Variants in ADD1 observed in about 807,000 individuals in gnomAD.
ADD1 encodes the protein alpha-adducin.
Under a neutral mutation model 80.5 loss-of-function variants are expected in ADD1, and 24 were observed. The ratio of observed to expected loss-of-function variants is 0.30; its 90% confidence interval spans 0.22 to 0.42. The LOEUF (loss-of-function observed/expected upper bound fraction) is 0.42, where lower values mean the gene tolerates loss of function less well. Among genes scored for constraint, ADD1 ranks in the 10% least tolerant of loss-of-function variants. ADD1 has a pLI of 1.00. For missense variants in ADD1, 948 were observed against 1,019.0 expected (o/e 0.93, Z 0.95); for synonymous variants, 373 against 393.8 (o/e 0.95, Z 0.63).
Position 2,926,219 on chromosome 4 carries a change from C to G in ADD1, c.2047+107C>G. On this transcript the variant is annotated intron_variant, in intron 15 of 15. Coordinates refer to ENST00000683351, the MANE Select transcript of ADD1 (RefSeq NM_001354761.2). This position sits in a 1 kb window ranked among gnomAD's most constrained non-coding sequence, Gnocchi z 5.0. The stretch of plus-strand genomic sequence containing the variant: ...GTTAACAGCAACACGGAAGTGTGTG[C>G]TTGCATCAGCGCCAGGACGTGACAC... 2.0e-6 allele frequency: 2 copies of G among 984,722 alleles called. No individual in the cohort carries two copies. The highest frequency in any genetic ancestry group is 3.2e-6 in the Non-Finnish European group (2 of 622,216). The allele number at this position is 984,722 out of a possible 1,614,324, so 61.0% of individuals were successfully genotyped here.
At chr4:2,923,605 A>T (rs184442379) in intron 14 of ADD1, among the ~76,000 whole-genome samples, 60 of 152,320 alleles carry the variant, frequency 3.9e-4, no homozygotes, top group African/African-American at 1.4e-3. Context: ...TGTCACCCTG[A>T]CATTTGTCTC....
At chr4:2,844,315 C>G (rs1322505293) in intron 1 of ADD1, 2 of 152,066 alleles carry the variant, frequency 1.3e-5, no homozygotes, top group African/African-American at 2.4e-5. Context: ...GGCTTGTGGG[C>G]TGCAGGGGTG....
At chr4:2,852,274 CTTCCTTCTT>C (rs773362074) in intron 1 of ADD1, among the ~76,000 whole-genome samples, 8 of 111,350 alleles carry the variant, frequency 7.2e-5, no homozygotes, top group African/African-American at 2.0e-4. Flanking sequence ...TCCTTCCTTC[CTTCCTTCTT>C]TTCTTTTCTT....
intron 1 of ADD1, among the ~76,000 whole-genome samples, chr4:2,866,047 T>A (rs539372848): frequency 6.6e-6 from 1 of 152,376 alleles, no homozygotes; most frequent in South Asian, 2.1e-4. Context: ...TATAAAATTA[T>A]TTCTAGATTC....
intron 1 of ADD1, among the ~76,000 whole-genome samples, chr4:2,855,996 A>T: frequency 6.9e-6 from 1 of 144,422 alleles, no homozygotes; most frequent in Non-Finnish European, 1.5e-5. Context: ...ACCATTGGGC[A>T]TGGTGGTGCA....
At chr4:2,877,157 G>A (rs1039772016) in intron 2 of ADD1, among the ~76,000 whole-genome samples, 4 of 152,108 alleles carry the variant, frequency 2.6e-5, no homozygotes, top group Admixed American at 6.6e-5. Flanking sequence ...TAATCAGGTC[G>A]TTGTATCTGC....
At chr4:2,888,226 A>G (rs1306020413) in intron 4 of ADD1, among the ~76,000 whole-genome samples, 1 of 151,400 alleles carries the variant, frequency 6.6e-6, no homozygotes, top group African/African-American at 2.4e-5. Flanking sequence ...GCAGGTGTGC[A>G]CCACCATGCC....
chr4:2,877,605 T>C (rs1731560900), intron 2 of ADD1, among the ~76,000 whole-genome samples: 1 of 151,804 alleles, frequency 6.6e-6, no homozygotes, highest in African/African-American at 2.4e-5. Flanking sequence ...GTGACTGTGG[T>C]CAGAAAGGCT....
At chr4:2,889,937 G>A (rs1226633693) in intron 4 of ADD1, among the ~76,000 whole-genome samples, 4 of 152,300 alleles carry the variant, frequency 2.6e-5, no homozygotes, top group South Asian at 2.1e-4. Flanking sequence ...AGTGGCTCAC[G>A]CCTGTAATCT....
At chr4:2,872,919 T>C (rs1033018917) in intron 1 of ADD1, among the ~76,000 whole-genome samples, 12 of 152,142 alleles carry the variant, frequency 7.9e-5, no homozygotes, top group South Asian at 2.1e-4. Context: ...TAAGATACTA[T>C]GAAAAATGTT....
At chr4:2,879,380 AG>A (rs1178999175) in intron 2 of ADD1, among the ~76,000 whole-genome samples, 1 of 152,186 alleles carries the variant, frequency 6.6e-6, no homozygotes, top group East Asian at 1.9e-4. Flanking sequence ...CTGGATGGCA[AG>A]GACCATATTA....
At chr4:2,896,294 T>C (rs1410360892) in intron 6 of ADD1, among the ~76,000 whole-genome samples, 1 of 151,666 alleles carries the variant, frequency 6.6e-6, no homozygotes, top group Non-Finnish European at 1.5e-5. Context: ...CTGCAACCTC[T>C]GCCCCTCGGG....
intron 1 of ADD1, among the ~76,000 whole-genome samples, chr4:2,872,544 G>C (rs1051817319): frequency 5.3e-5 from 8 of 152,184 alleles, no homozygotes; most frequent in African/African-American, 1.9e-4. Flanking sequence ...GTATTGAGCA[G>C]ATTTTAATGT....
At position 2,904,832 on chromosome 4, in the gene ADD1, G is replaced by T. The variant is rs764711805; in HGVS notation, c.1230G>T (p.Val410=). The T allele has an allele frequency of 2.3e-5, 37 of 1,614,070 alleles. No individual in the cohort carries two copies. ...AGAAGTCTAAAAAATACAGCGATGT[G>T]GAGGTTCCTGCTAGTGTCACAGGTT... The part of the protein sequence containing the change: ...LREKSKKYSD[V]EVPASVTGYS... Residue 410 remains valine (V), a synonymous_variant, in exon 10 of 16, where the codon GTG becomes GTT. Coordinates refer to ENST00000683351, the MANE Select transcript of ADD1 (RefSeq NM_001354761.2).
In ADD1 at chr4:2,858,802, C is replaced by A. The variant is rs780498968; in HGVS notation, c.-21+14778C>A. ...AGGAGTTTGAGACCAGCCTTGGCCA[C>A]GTAGTGAGACCATGGCTCAACAAAC... On this transcript the variant is annotated intron_variant, in intron 1 of 15. Transcript: ENST00000683351. Among the ~76,000 whole-genome samples the A allele has an allele frequency of 2.0e-5, 3 of 152,146 alleles. No individual in the cohort carries two copies. In the East Asian group the frequency reaches 5.8e-4, roughly 29 times the overall value.
At chr4:2,912,871 G>A (rs574266438) in intron 13 of ADD1, among the ~76,000 whole-genome samples, 3 of 152,240 alleles carry the variant, frequency 2.0e-5, no homozygotes, top group South Asian at 4.1e-4. Context: ...TTGAGACGGA[G>A]TCTTGCTCTG....
rs1164913212 is a variant in ADD1, at chr4:2,928,664, CG to C, written c.*142del. 1 of 856,166 alleles carries C rather than the reference CG, an allele frequency of 1.2e-6. No homozygotes were observed. Among genetic ancestry groups the C allele is most frequent in the African/African-American group, 1.7e-5 (1 of 57,850 alleles). The allele number at this position is 856,166 out of a possible 1,614,324, so 53.0% of individuals were successfully genotyped here. A position where few individuals can be genotyped will look rare whatever the true frequency, so the allele number is the denominator to read the frequency against. ...AGAGGTCCCCTCACGTGACCAGCCCCGTGTAGCCCCGGGCTGACCCAGTGTG... is the reference window on the plus strand; with the variant it reads ...AGAGGTCCCCTCACGTGACCAGCCCCTGTAGCCCCGGGCTGACCCAGTGTG... On this transcript the variant is annotated 3_prime_UTR_variant, in exon 16 of 16. Transcript: ENST00000683351.
intron 9 of ADD1, among the ~76,000 whole-genome samples, chr4:2,904,117 C>G (rs2109057606): frequency 6.6e-6 from 1 of 152,264 alleles, no homozygotes; most frequent in Admixed American, 6.5e-5. Flanking sequence ...CAAGTAAACC[C>G]TGTTTGGGTG....
chr4:2,909,626 GT>G (rs767421189), intron 13 of ADD1, among the ~76,000 whole-genome samples, 195 bp downstream of exon 13: 2 of 152,254 alleles, frequency 1.3e-5, no homozygotes, highest in East Asian at 1.9e-4. Flanking sequence ...GCTATGAGGT[GT>G]GATAACAATT....
Sources: allele counts gnomAD v4.1 joint callset (sites outside exome capture counted in the v4.1 genomes callset), GRCh38; gene constraint gnomAD v4.1.1; non-coding constraint Gnocchi (gnomAD v3.1); transcripts MANE v1.5; gene names NCBI Gene and HGNC (gene_info 2026-07-23, HGNC 2026-07-21).